The following DIS3L variants were observed in gnomAD, a reference collection of about 807,000 sequenced individuals.
DIS3L encodes DIS3 like exosome 3'-5' exoribonuclease, also known as DIS3-like exonuclease 1.
In DIS3L, 100 loss-of-function variants were observed where a neutral mutation model predicts 120.3. The observed-to-expected ratio is 0.83, with a 90% CI of 0.71 to 0.98. The LOEUF (loss-of-function observed/expected upper bound fraction) is 0.98, where lower values mean the gene tolerates loss of function less well. Among genes scored for constraint, DIS3L ranks in the 50% least tolerant of loss-of-function variants. The probability of loss-of-function intolerance (pLI) is 0.00; values close to 1 mark genes in which losing one functional copy is unlikely to be tolerated. For synonymous variants in DIS3L, 426 were observed against 470.6 expected (o/e 0.91, Z 1.23); for missense variants, 1,196 against 1,314.2 (o/e 0.91, Z 1.39).
chr15:66,314,238 T>G (rs2092794413), intron 6 of DIS3L, 121 bp downstream of exon 6: 2 of 672,368 alleles, frequency 3.0e-6, no homozygotes, highest in Non-Finnish European at 4.4e-6. Flanking sequence ...CTACATACAT[T>G]GGGTATGTGA....
At chr15:66,298,972 A>G (rs1275699264) in intron 2 of DIS3L, among the ~76,000 whole-genome samples, 1 of 152,222 alleles carries the variant, frequency 6.6e-6, no homozygotes, top group Non-Finnish European at 1.5e-5. Context: ...AAATGCACTG[A>G]AGCACAGGGA....
chr15:66,320,855 T>C lies in DIS3L; in HGVS notation c.1326+123T>C. 5 of 1,209,476 alleles carry C rather than the reference T, an allele frequency of 4.1e-6. No homozygotes were observed. The South Asian group carries it at 6.3e-5, about 15-fold the overall frequency. 74.9% of individuals were successfully genotyped at this position (1,209,476 alleles called of 1,614,324 possible). On this transcript the variant is annotated intron_variant, in intron 9 of 16. Transcript: ENST00000319212. The stretch of plus-strand genomic sequence containing the variant: ...ACCCACTGTGTGAAGGCACAGATAA[T>C]GGAAAAATCTCAATCCTCTTTATTC...
chr15:66,326,617 TC>T lies in DIS3L; in HGVS notation c.2201+254del, dbSNP rs2092941292. On this transcript the variant is annotated intron_variant, in intron 12 of 16. Coordinates refer to ENST00000319212, the MANE Select transcript of DIS3L (RefSeq NM_001143688.3). ...TTTTTTTAGATAGAGTCTTGCTCTG[TC>T]ACCCAGGTTGGAGTACAGTGGTATG... 117 of 400,240 alleles carry T rather than the reference TC, an allele frequency of 2.9e-4. 1 individual carries two copies. The East Asian group carries it at 6.1e-3, about 21-fold the overall frequency. 24.8% of individuals were successfully genotyped at this position (400,240 alleles called of 1,614,324 possible).
At chr15:66,329,725 A>G in intron 14 of DIS3L, 1 of 1,004,744 alleles carries the variant, frequency 1.0e-6, no homozygotes, top group South Asian at 4.2e-5. Flanking sequence ...CAGCCTGGCC[A>G]ATATGGTGAA....
intron 1 of DIS3L, among the ~76,000 whole-genome samples, chr15:66,294,674 C>G (rs867141380): frequency 2.6e-5 from 4 of 152,126 alleles, no homozygotes; most frequent in Non-Finnish European, 4.4e-5. Flanking sequence ...ATGTGTTTGT[C>G]AATGATGAGT....
At chr15:66,320,778 C>T in intron 9 of DIS3L, 46 bp downstream of exon 9, 5 of 1,580,148 alleles carry the variant, frequency 3.2e-6, no homozygotes, top group Non-Finnish European at 4.3e-6. Flanking sequence ...TTTCTTTTTG[C>T]TTTTGTTGTT....
At chr15:66,330,042 C>G in intron 14 of DIS3L, 1 of 985,312 alleles carries the variant, frequency 1.0e-6, no homozygotes, top group Non-Finnish European at 1.2e-6. Context: ...GTGGCTTGCA[C>G]CTGTATTCCC....
In DIS3L at chr15:66,325,846, C is replaced by T; in HGVS notation, c.1683C>T (p.Ile561=). Residue 561 remains isoleucine, a synonymous_variant, in exon 12 of 17, where the codon ATC becomes ATT. Coordinates refer to ENST00000319212, the MANE Select transcript of DIS3L (RefSeq NM_001143688.3). The stretch of plus-strand genomic sequence containing the variant: ...GTTTTTGTAGGTATGCTGTAAGCAT[C>T]ATGTGGGAACTGGATAAAGCCTCTT... ...LGGVDRYAVS[I]MWELDKASYE... is the part of the protein sequence containing the mutation. 2 of 1,602,192 alleles carry T rather than the reference C, an allele frequency of 1.2e-6. No homozygotes were observed. Among genetic ancestry groups the T allele is most frequent in the Non-Finnish European group, 1.7e-6 (2 of 1,170,446 alleles).
rs752438232 is a variant in DIS3L, at chr15:66,322,719, T to A, written c.1359T>A (p.Ser453Arg). ...AGATGCCAGTAAACACACCAGAAAG[T>A]CCCTGGAAGGTGAGTCCTGAAGAGG... is the stretch of plus-strand genomic sequence containing the variant. ...MCEMPVNTPE[S>R]PWKVSPEEEQ... The change falls in exon 10 of 17, where the codon AGT (serine) becomes AGA (arginine). Residue 453 changes from serine to arginine, a missense_variant. By Grantham distance (110) the Ser-to-Arg change is moderately radical. Transcript: ENST00000319212. The A allele has an allele frequency of 1.2e-6, 2 of 1,614,146 alleles. No individual in the cohort carries two copies. Among genetic ancestry groups the A allele is most frequent in the South Asian group, 2.2e-5 (2 of 91,074 alleles).
At position 66,323,890 on chromosome 15, in the gene DIS3L, G is replaced by C. The variant is rs375856055; in HGVS notation, c.1667+305G>C. 6.2e-4 allele frequency among the ~76,000 whole-genome samples: 95 copies of C among 152,254 alleles called. 1 individual carries two copies. The highest frequency in any genetic ancestry group is 2.2e-3 in the African/African-American group (90 of 41,552). ...TCTGAGAACAAATGTATGTAGCTTT[G>C]TGCTTATGCATTCCCTGGCGGAAGT... On this transcript the variant is annotated intron_variant, in intron 11 of 16. Transcript: ENST00000319212.
chr15:66,329,070 A>G lies in DIS3L; in HGVS notation c.2302A>G (p.Asn768Asp). 4 of 1,614,192 alleles carry G rather than the reference A, an allele frequency of 2.5e-6. No homozygotes were observed. Among genetic ancestry groups the G allele is most frequent in the Non-Finnish European group, 3.4e-6 (4 of 1,180,036 alleles). ...CTCCATGGCCACGCAGGCCATGTCG[A>G]ATGCTCTGTACTTCTCCACCGGATC... ...LRSMATQAMS[N>D]ALYFSTGSCA... The change falls in exon 13 of 17, where the codon AAT becomes GAT. Residue 768 changes from asparagine (N) to aspartate (D), a missense_variant. Physicochemically the swap from Asn to Asp is conservative, Grantham distance 23. Transcript: ENST00000319212.
intron 2 of DIS3L, among the ~76,000 whole-genome samples, chr15:66,296,008 A>G (rs1193560605): frequency 6.6e-6 from 1 of 152,230 alleles, no homozygotes; most frequent in African/African-American, 2.4e-5. Flanking sequence ...AGTTCAAAAA[A>G]CATACATTAA....
At chr15:66,314,594 G>C (rs1203566477) in intron 6 of DIS3L, among the ~76,000 whole-genome samples, 1 of 152,204 alleles carries the variant, frequency 6.6e-6, no homozygotes, top group East Asian at 1.9e-4. Flanking sequence ...TGGGTGGAGA[G>C]AGAATGAGAA....
intron 2 of DIS3L, among the ~76,000 whole-genome samples, chr15:66,305,835 C>T (rs2092697994): frequency 6.6e-6 from 1 of 152,126 alleles, no homozygotes; most frequent in Non-Finnish European, 1.5e-5. Flanking sequence ...CCAGCAAATT[C>T]ATCTTTAAAT....
rs1014980600 is a variant in DIS3L, at chr15:66,326,244, A to G, written c.2081A>G (p.Lys694Arg). 1.1e-5 allele frequency: 18 copies of G among 1,614,178 alleles called. No individual in the cohort carries two copies. Among genetic ancestry groups the G allele is most frequent in the Admixed American group, 1.7e-5 (1 of 60,020 alleles). ...CMILANHWVAKKIWESFPHQA... is the reference protein window; with the variant it reads ...CMILANHWVARKIWESFPHQA... Reference sequence around the variant, plus strand: ...ATCCTGGCCAACCACTGGGTCGCCAAAAAGATCTGGGAGAGCTTCCCTCAT... The same window carrying G: ...ATCCTGGCCAACCACTGGGTCGCCAGAAAGATCTGGGAGAGCTTCCCTCAT... Residue 694 changes from lysine to arginine, a missense_variant, in exon 12 of 17, where the codon AAA (lysine) becomes AGA (arginine). Coordinates refer to ENST00000319212, the MANE Select transcript of DIS3L (RefSeq NM_001143688.3).
intron 7 of DIS3L, 119 bp from the exon 8 acceptor site, chr15:66,318,330 G>T: frequency 3.5e-6 from 4 of 1,151,188 alleles, no homozygotes; most frequent in Non-Finnish European, 4.9e-6. Context: ...GGGTGGATGT[G>T]CTTGAAAAAA....
intron 2 of DIS3L, among the ~76,000 whole-genome samples, chr15:66,305,307 A>G (rs1422735004): frequency 1.3e-5 from 2 of 151,384 alleles, no homozygotes; most frequent in Non-Finnish European, 2.9e-5. Flanking sequence ...CCCTAGTGAA[A>G]TCTATTTCTT....
intron 3 of DIS3L, among the ~76,000 whole-genome samples, chr15:66,308,231 TCC>T (rs2092720411): frequency 1.3e-5 from 2 of 152,198 alleles, no homozygotes; most frequent in African/African-American, 4.8e-5. Flanking sequence ...GTTCTCTGTT[TCC>T]CAGTTCCGGT....
At chr15:66,294,294 TG>T in intron 1 of DIS3L, 1 of 985,466 alleles carries the variant, frequency 1.0e-6, no homozygotes, top group South Asian at 4.7e-5. Flanking sequence ...GAAGTTGGAC[TG>T]GGGACTCCTG....
Sources: gnomAD v4.1 joint callset for allele counts (sites outside exome capture counted in the v4.1 genomes callset) on GRCh38, gnomAD v4.1.1 for gene constraint, MANE v1.5 for transcripts, NCBI Gene and HGNC (gene_info 2026-07-23, HGNC 2026-07-21) for gene names.